The following GLI2 variants were observed in gnomAD, a reference collection of about 807,000 sequenced individuals.
GLI2 encodes transcription activator GLI2.
GLI2 carries 22 observed loss-of-function variants against 78.9 expected under a neutral mutation model. The observed-to-expected ratio is 0.28, with a 90% CI of 0.20 to 0.40. The LOEUF is 0.40. GLI2 is among the 10% of genes least tolerant of loss of function. The probability of loss-of-function intolerance (pLI) is 1.00; values close to 1 mark genes in which losing one functional copy is unlikely to be tolerated. For synonymous variants in GLI2, 974 were observed against 963.7 expected (o/e 1.01, Z -0.20); for missense variants, 2,097 against 2,213.2 (o/e 0.95, Z 1.05).
At chr2:120,917,946 G>A (rs1327231893) in intron 2 of GLI2, among the ~76,000 whole-genome samples, 1 of 152,200 alleles carries the variant, frequency 6.6e-6, no homozygotes, top group Non-Finnish European at 1.5e-5. Context: ...AGCCTCCTGG[G>A]GATTGGTCAT....
intron 2 of GLI2, among the ~76,000 whole-genome samples, chr2:120,877,853 G>A (rs1558851160): frequency 6.6e-6 from 1 of 152,092 alleles, no homozygotes; most frequent in East Asian, 1.9e-4. Flanking sequence ...CTCGATGAAT[G>A]TCTATGTGCA....
At chr2:120,975,435 A>C (rs1372715075) in intron 9 of GLI2, among the ~76,000 whole-genome samples, 2 of 136,288 alleles carry the variant, frequency 1.5e-5, no homozygotes, top group African/African-American at 5.5e-5. Context: ...TTCTATATAC[A>C]CATTTTTTTT....
intron 2 of GLI2, among the ~76,000 whole-genome samples, chr2:120,863,110 C>T (rs1242860000): frequency 1.3e-5 from 2 of 152,240 alleles, no homozygotes; most frequent in African/African-American, 4.8e-5. Flanking sequence ...GAGGACTTGG[C>T]TTAGACAACT....
intron 1 of GLI2, among the ~76,000 whole-genome samples, chr2:120,753,941 T>A (rs1682962979): frequency 6.6e-6 from 1 of 151,880 alleles, no homozygotes; most frequent in Admixed American, 6.6e-5. Flanking sequence ...AACAACTATT[T>A]CCTCTGCTTC....
At chr2:120,873,476 G>A (rs998618626) in intron 2 of GLI2, among the ~76,000 whole-genome samples, 1 of 152,196 alleles carries the variant, frequency 6.6e-6, no homozygotes. Context: ...CCTAGTGGAA[G>A]GATGCATTCT....
At chr2:120,824,677 C>T (rs1365400167) in intron 2 of GLI2, among the ~76,000 whole-genome samples, 2 of 152,228 alleles carry the variant, frequency 1.3e-5, no homozygotes, top group South Asian at 2.1e-4. Flanking sequence ...CCAAATGACA[C>T]AGCTGGTCTT....
At chr2:120,797,702 G>A (rs1013714106) in intron 2 of GLI2, among the ~76,000 whole-genome samples, 6 of 152,070 alleles carry the variant, frequency 3.9e-5, no homozygotes, top group African/African-American at 1.4e-4. Flanking sequence ...GACAGCGGTG[G>A]GTGGGGCCTG....
intron 11 of GLI2, 127 bp from the exon 12 acceptor site, chr2:120,984,344 C>A: frequency 1.0e-6 from 1 of 962,018 alleles, no homozygotes; most frequent in Non-Finnish European, 1.7e-6. Context: ...TTTGACACAG[C>A]ACCTACTGAC....
chr2:120,899,761 G>A (rs997040761), intron 2 of GLI2, among the ~76,000 whole-genome samples: 2 of 152,216 alleles, frequency 1.3e-5, no homozygotes, highest in Non-Finnish European at 2.9e-5. Flanking sequence ...TGAAGTCATC[G>A]ATGAAAATAC....
At chr2:120,764,677 G>C (rs1683315518) in intron 1 of GLI2, among the ~76,000 whole-genome samples, 1 of 152,224 alleles carries the variant, frequency 6.6e-6, no homozygotes, top group South Asian at 2.1e-4. Flanking sequence ...GGGTCCATGT[G>C]AATGTGGGAG....
intron 2 of GLI2, among the ~76,000 whole-genome samples, chr2:120,880,141 G>A (rs1677048804): frequency 6.6e-6 from 1 of 152,258 alleles, no homozygotes; most frequent in Non-Finnish European, 1.5e-5. Flanking sequence ...GGGAAAGAAA[G>A]TTGTCTTAAA....
intron 12 of GLI2, among the ~76,000 whole-genome samples, chr2:120,985,511 T>C (rs1252392782): frequency 2.0e-5 from 3 of 152,152 alleles, no homozygotes; most frequent in Non-Finnish European, 4.4e-5. Context: ...GGTGGCGCCA[T>C]GGACAACACC....
At position 120,797,306 on chromosome 2, in the gene GLI2, C is replaced by T. The variant is rs781670129; in HGVS notation, c.-15C>T. On this transcript the variant is annotated 5_prime_UTR_variant, in exon 2 of 14. It adds an upstream start codon to the 5' untranslated region. Coordinates refer to ENST00000361492, the MANE Select transcript of GLI2 (RefSeq NM_001374353.1). The stretch of plus-strand genomic sequence containing the variant: ...TCTCTTTTAGGATTGCCACCCAGGA[C>T]GATGAGCGGCTGAGATGGAGACGTC... 1.8e-5 allele frequency: 29 copies of T among 1,613,522 alleles called. No individual in the cohort carries two copies. Among genetic ancestry groups the T allele is most frequent in the Admixed American group, 1.2e-4 (7 of 59,994 alleles).
In GLI2 at chr2:120,801,615, A is replaced by G. The variant is rs1403314303; in HGVS notation, c.148+4147A>G. On this transcript the variant is annotated intron_variant, in intron 2 of 13. Coordinates refer to ENST00000361492, the MANE Select transcript of GLI2 (RefSeq NM_001374353.1). ...CTTGTATTCTAATATTAAGTGGGAT[A>G]AAAAGAAGGTGCAATTGATCTCAAG... Among the ~76,000 whole-genome samples the G allele has an allele frequency of 2.6e-5, 4 of 152,234 alleles. No homozygotes were observed. In the East Asian group the frequency reaches 5.8e-4, roughly 22 times the overall value.
At chr2:120,767,113 C>A (rs772361157) in intron 1 of GLI2, among the ~76,000 whole-genome samples, 1 of 152,214 alleles carries the variant, frequency 6.6e-6, no homozygotes, top group Non-Finnish European at 1.5e-5. Flanking sequence ...AGGCTCTAAC[C>A]GACCTCTACG....
Position 120,988,308 on chromosome 2 carries a change from G to A in GLI2, c.2343G>A (p.Met781Ile), listed in dbSNP as rs1210211719. 1 of 1,563,224 alleles carries A rather than the reference G, an allele frequency of 6.4e-7. No individual in the cohort carries two copies. Among genetic ancestry groups the A allele is most frequent in the Non-Finnish European group, 8.6e-7 (1 of 1,160,286 alleles). The change falls in exon 14 of 14, where the codon ATG becomes ATA. Residue 781 changes from methionine to isoleucine, a missense_variant. Around this residue, in one of 5 missense-constraint regions of GLI2, gnomAD observed 1,290 missense variants for 1,261.7 expected, o/e 1.02. Transcript: ENST00000361492. The stretch of plus-strand genomic sequence containing the variant: ...AGCTGTCCGCGAGCGAGGTGACCAT[G>A]CTGAGCCAGCTGCAGGAGCGCCGCG... ...LSELSASEVT[M>I]LSQLQERRDS...
intron 2 of GLI2, among the ~76,000 whole-genome samples, chr2:120,925,968 G>A (rs1049097439): frequency 6.7e-6 from 1 of 150,048 alleles, no homozygotes; most frequent in Admixed American, 6.7e-5. Context: ...AGCTACTCGG[G>A]AGGCTGAGGC....
At position 120,779,186 on chromosome 2, in the gene GLI2, A is replaced by G. The variant is rs140708755; in HGVS notation, c.-30-18105A>G. 4.0e-3 allele frequency among the ~76,000 whole-genome samples: 613 copies of G among 152,330 alleles called. 4 individuals carry two copies. The highest frequency in any genetic ancestry group is 0.014 in the East Asian group (74 of 5,170). ...CATGTGAAACATTTACAGACAGACT[A>G]TCATCCTTCCATTTTACAGATCAGG... On this transcript the variant is annotated intron_variant, in intron 1 of 13. Coordinates refer to ENST00000361492, the MANE Select transcript of GLI2 (RefSeq NM_001374353.1).
intron 2 of GLI2, among the ~76,000 whole-genome samples, chr2:120,913,430 T>C (rs1573589088): frequency 6.6e-6 from 1 of 152,256 alleles, no homozygotes; most frequent in Non-Finnish European, 1.5e-5. Flanking sequence ...AATTAAATTG[T>C]GTTATTAAAA....
Sources: gnomAD v4.1 joint callset for allele counts (sites outside exome capture counted in the v4.1 genomes callset) on GRCh38, gnomAD v4.1.1 for gene constraint, gnomAD v4.1.1 regional missense constraint, MANE v1.5 for transcripts, NCBI Gene and HGNC (gene_info 2026-07-23, HGNC 2026-07-21) for gene names.